The following DNAH9 variants were observed in gnomAD, a reference collection of about 807,000 sequenced individuals.
The protein encoded by DNAH9 is DNAH9 variant protein.
Under a neutral mutation model 471.6 loss-of-function variants are expected in DNAH9, and 345 were observed. The observed-to-expected ratio is 0.73, with a 90% confidence interval of 0.67 to 0.80. DNAH9 has a LOEUF of 0.80. Among genes scored for constraint, DNAH9 ranks in the 30% least tolerant of loss-of-function variants. DNAH9 has a pLI of 0.00. For synonymous variants in DNAH9, 2,093 were observed against 2,123.6 expected, an observed-to-expected ratio of 0.99 and a Z score of 0.40; for missense variants, 5,407 against 5,609.2, an observed-to-expected ratio of 0.96 and a Z score of 1.15.
intron 67 of DNAH9, among the ~76,000 whole-genome samples, chr17:11,954,566 GA>G (rs1338079807): frequency 1.3e-5 from 2 of 151,876 alleles, no homozygotes; most frequent in African/African-American, 4.8e-5. Context: ...TGTAAACTTA[GA>G]ATTCTTTGCC....
chr17:11,716,835 A>T (rs1404340089), intron 26 of DNAH9, among the ~76,000 whole-genome samples: 3 of 152,128 alleles, frequency 2.0e-5, no homozygotes, highest in East Asian at 1.9e-4. Context: ...GTTGTCAGGG[A>T]TTGAAGACTC....
At chr17:11,872,249 T>C (rs1230552956) in intron 52 of DNAH9, among the ~76,000 whole-genome samples, 1 of 152,232 alleles carries the variant, frequency 6.6e-6, no homozygotes, top group Non-Finnish European at 1.5e-5. Context: ...CTTCGTCGGC[T>C]TCCGTCCTGC....
intron 64 of DNAH9, 152 bp from the exon 65 acceptor site, chr17:11,933,728 C>T (rs972693143): frequency 1.9e-5 from 13 of 700,180 alleles, no homozygotes; most frequent in Admixed American, 1.2e-4. Flanking sequence ...CCCTGCTGGG[C>T]ACTGAGGGTA....
At chr17:11,964,543 C>T (rs1184698552) in intron 68 of DNAH9, among the ~76,000 whole-genome samples, 1 of 152,142 alleles carries the variant, frequency 6.6e-6, no homozygotes, top group Non-Finnish European at 1.5e-5. Flanking sequence ...GTCAGGACCT[C>T]CTAAAATCCT....
chr17:11,684,294 T>C (rs2074195605), intron 19 of DNAH9, among the ~76,000 whole-genome samples: 1 of 152,208 alleles, frequency 6.6e-6, no homozygotes, highest in East Asian at 1.9e-4. Context: ...TGACAGGTGC[T>C]GTGTGAAGTC....
At chr17:11,828,093 C>G (rs1328046598) in intron 48 of DNAH9, among the ~76,000 whole-genome samples, 1 of 152,184 alleles carries the variant, frequency 6.6e-6, no homozygotes. Context: ...TTCATAGCCA[C>G]AAGACCCTTC....
chr17:11,803,834 C>A (rs896372887), intron 43 of DNAH9, among the ~76,000 whole-genome samples: 2 of 152,236 alleles, frequency 1.3e-5, no homozygotes, highest in Non-Finnish European at 2.9e-5. Context: ...TCCATGCCTG[C>A]CTCTCTCTTT....
chr17:11,815,414 C>T (rs749818217), intron 45 of DNAH9, among the ~76,000 whole-genome samples: 1 of 152,174 alleles, frequency 6.6e-6, no homozygotes, highest in Non-Finnish European at 1.5e-5. Flanking sequence ...AACGCCAACA[C>T]TCCTTAACTT....
intron 31 of DNAH9, among the ~76,000 whole-genome samples, chr17:11,746,541 A>T (rs1966886446): frequency 6.6e-6 from 1 of 152,072 alleles, no homozygotes; most frequent in Non-Finnish European, 1.5e-5. Flanking sequence ...TCTCGTGAGA[A>T]CTCACTCAGT....
At chr17:11,759,333 A>C (rs1463543211) in intron 35 of DNAH9, among the ~76,000 whole-genome samples, 5 of 151,906 alleles carry the variant, frequency 3.3e-5, no homozygotes, top group Non-Finnish European at 1.5e-5. Context: ...ATTTCCATAT[A>C]TACCTACTGT....
chr17:11,934,932 G>C (rs866002990), intron 65 of DNAH9, among the ~76,000 whole-genome samples: 1 of 152,080 alleles, frequency 6.6e-6, no homozygotes, highest in African/African-American at 2.4e-5. Context: ...TACCGCATAC[G>C]TATGCCACAG....
rs1350456993 is a variant in DNAH9, at chr17:11,854,271, C to T, written c.9776C>T (p.Ser3259Phe). The T allele has an allele frequency of 1.2e-6, 2 of 1,614,208 alleles. No individual in the cohort carries two copies. Among genetic ancestry groups the T allele is most frequent in the South Asian group, 2.2e-5 (2 of 91,088 alleles). The change falls in exon 50 of 69, where the codon TCC becomes TTC. Residue 3259 changes from serine to phenylalanine, a missense_variant. Ser to Phe is a radical substitution (Grantham distance 155). Transcript: ENST00000262442. ...AATCCTGAGTTTGTGGCCACCAAAT[C>T]CTATGCGGCTGCAGGCCTCTGCTCC... ...EFNPEFVATK[S>F]YAAAGLCSWV...
intron 65 of DNAH9, among the ~76,000 whole-genome samples, chr17:11,935,150 C>T (rs1411617937): frequency 2.0e-5 from 3 of 151,278 alleles, no homozygotes; most frequent in Admixed American, 6.6e-5. Context: ...TTAGTGGAGA[C>T]GGGGTTTCAT....
intron 17 of DNAH9, 43 bp from the exon 18 acceptor site, chr17:11,679,714 G>A (rs1355862867): frequency 2.2e-6 from 3 of 1,393,680 alleles, no homozygotes; most frequent in Non-Finnish European, 2.0e-6. Flanking sequence ...CTTTCGAGAA[G>A]TAGAACGAGA....
At chr17:11,947,772 A>AATTTTTTTTTT (rs1555528615) in intron 67 of DNAH9, among the ~76,000 whole-genome samples, 1 of 108,344 alleles carries the variant, frequency 9.2e-6, no homozygotes. Context: ...GCTGGGAACT[A>AATTTTTTTTTT]TTTTTTTTTT....
Position 11,942,433 on chromosome 17 carries a change from T to C in DNAH9, c.12791T>C (p.Ile4264Thr). Reference sequence around the variant, plus strand: ...TTCCAGGAGTGTGGCCGGATGAATATCCTCACCAGAGAGATTCAGCGCTCA... The same window carrying C: ...TTCCAGGAGTGTGGCCGGATGAATACCCTCACCAGAGAGATTCAGCGCTCA... ...VAFQECGRMN[I>T]LTREIQRSLR... is the part of the protein sequence containing the mutation. The change falls in exon 67 of 69, where the codon ATC becomes ACC. Residue 4264 changes from isoleucine (I) to threonine (T), a missense_variant. Physicochemically the swap from Ile to Thr is moderately conservative, Grantham distance 89 (BLOSUM62 -1). Transcript: ENST00000262442. The C allele has an allele frequency of 6.2e-7, 1 of 1,614,112 alleles. No homozygotes were observed. Among genetic ancestry groups the C allele is most frequent in the Non-Finnish European group, 8.5e-7 (1 of 1,180,024 alleles).
At chr17:11,718,494 A>G (rs1224360345) in intron 26 of DNAH9, among the ~76,000 whole-genome samples, 1 of 152,244 alleles carries the variant, frequency 6.6e-6, no homozygotes, top group Non-Finnish European at 1.5e-5. Flanking sequence ...GCTGAATCAT[A>G]TGGTATGCTT....
intron 9 of DNAH9, 99 bp from the exon 10 acceptor site, chr17:11,640,171 A>C: frequency 1.4e-6 from 1 of 698,408 alleles, no homozygotes; most frequent in East Asian, 2.6e-5. Flanking sequence ...GTCTGGAGAT[A>C]ATGAGGCAAA....
rs1567880078 is a variant in DNAH9 at position 11,891,827 on chromosome 17, A to G, written c.11163A>G (p.Glu3721=). The change falls in exon 58 of 69, where the codon GAA becomes GAG. Residue 3721 remains glutamate (E), a synonymous_variant. Coordinates refer to ENST00000262442, the MANE Select transcript of DNAH9 (RefSeq NM_001372.4). The part of the protein sequence containing the change: ...QKAVERAAPD[E]SLRERVANLI... The stretch of plus-strand genomic sequence containing the variant: ...CTGTGGAGAGGGCTGCTCCTGACGA[A>G]AGCCTCAGGGAGCGGGTGGCCAACC... The G allele has an allele frequency of 3.1e-6, 5 of 1,614,104 alleles. No homozygotes were observed. The highest frequency in any genetic ancestry group is 4.2e-6 in the Non-Finnish European group (5 of 1,180,002).
Sources: allele counts gnomAD v4.1 joint callset (sites outside exome capture counted in the v4.1 genomes callset), GRCh38; gene constraint gnomAD v4.1.1; transcripts MANE v1.5; gene names NCBI Gene and HGNC (gene_info 2026-07-23, HGNC 2026-07-21).